ARHGAP24: variants seen among roughly 807,000 people sequenced by gnomAD.
ARHGAP24 encodes the protein Rho GTPase activating protein 24.
A neutral mutation model predicts 76.4 loss-of-function variants in ARHGAP24; 50 were observed. The ratio of observed to expected loss-of-function variants is 0.65; its 90% CI spans 0.52 to 0.83. ARHGAP24 has a LOEUF of 0.83. Ranked by LOEUF, ARHGAP24 falls within the 40% of genes least tolerant of loss-of-function variation. The pLI is 0.00. For synonymous variants in ARHGAP24, 345 were observed against 323.3 expected (o/e 1.07, Z -0.72); for missense variants, 930 against 914.2 (o/e 1.02, Z -0.22).
intron 1 of ARHGAP24, among the ~76,000 whole-genome samples, chr4:85,552,396 A>G (rs373537269): frequency 1.1e-4 from 17 of 152,250 alleles, no homozygotes; most frequent in Middle Eastern, 6.8e-3. Flanking sequence ...AGTGGTTGGT[A>G]TGATTTCAGT....
At chr4:85,809,961 C>A (rs762996819) in intron 3 of ARHGAP24, among the ~76,000 whole-genome samples, 4 of 152,146 alleles carry the variant, frequency 2.6e-5, no homozygotes, top group African/African-American at 4.8e-5. Flanking sequence ...TAATTGAGGG[C>A]AAGTCACTTA....
At chr4:85,924,119 T>G (rs1735887856) in intron 4 of ARHGAP24, among the ~76,000 whole-genome samples, 1 of 152,130 alleles carries the variant, frequency 6.6e-6, no homozygotes, top group Non-Finnish European at 1.5e-5. Context: ...AGTAAGAAAT[T>G]TATGACTAGT....
At chr4:85,691,527 T>C (rs1723661024) in intron 2 of ARHGAP24, among the ~76,000 whole-genome samples, 1 of 152,212 alleles carries the variant, frequency 6.6e-6, no homozygotes, top group African/African-American at 2.4e-5. Context: ...GGTGCCCCAA[T>C]GTTGGGTGCA....
At chr4:85,924,795 T>C (rs1477717200) in intron 4 of ARHGAP24, 1 of 152,182 alleles carries the variant, frequency 6.6e-6, no homozygotes, top group Non-Finnish European at 1.5e-5. Context: ...TTTTACTAGA[T>C]TAATGGCACA....
chr4:85,782,055 AAAAAAAAG>A (rs1410073249), intron 3 of ARHGAP24, among the ~76,000 whole-genome samples: 3 of 90,166 alleles, frequency 3.3e-5, no homozygotes, highest in Non-Finnish European at 8.1e-5. Flanking sequence ...AAAAAAAGAA[AAAAAAAAG>A]AAAAAAAAAA....
chr4:85,610,278 C>T (rs768182689), intron 2 of ARHGAP24, among the ~76,000 whole-genome samples: 4 of 151,424 alleles, frequency 2.6e-5, no homozygotes, highest in Admixed American at 6.6e-5. Context: ...CTTGTCTCTA[C>T]TAAAAATCCA....
intron 1 of ARHGAP24, among the ~76,000 whole-genome samples, chr4:85,491,184 C>T (rs1723343406): frequency 1.3e-5 from 2 of 152,072 alleles, no homozygotes; most frequent in African/African-American, 2.4e-5. Flanking sequence ...TGTAATTCAT[C>T]ACATAAAAAT....
In ARHGAP24 at chr4:86,002,371, C is replaced by G. The variant is rs1413548194; in HGVS notation, c.*1649C>G. 2.0e-5 allele frequency: 3 copies of G among 152,030 alleles called. No individual in the cohort carries two copies. The highest frequency in any genetic ancestry group is 2.9e-5 in the Non-Finnish European group (2 of 68,010). 9.4% of individuals were successfully genotyped at this position (152,030 alleles called of 1,614,324 possible). Reference sequence around the variant, plus strand: ...TTTAATTCCCTTTTCTCTCTCTTTCCAATTATTTAACCAGTTACTTCCACC... The same window carrying G: ...TTTAATTCCCTTTTCTCTCTCTTTCGAATTATTTAACCAGTTACTTCCACC... On this transcript the variant is annotated 3_prime_UTR_variant, in exon 10 of 10. Transcript: ENST00000395184.
intron 3 of ARHGAP24, among the ~76,000 whole-genome samples, chr4:85,879,270 A>AT (rs1208117679): frequency 1.3e-5 from 2 of 152,092 alleles, no homozygotes; most frequent in Non-Finnish European, 2.9e-5. Context: ...CACTCTGGTG[A>AT]TTTTTTCCAT....
intron 1 of ARHGAP24, among the ~76,000 whole-genome samples, chr4:85,482,665 T>C (rs1159275428): frequency 3.3e-5 from 5 of 152,352 alleles, no homozygotes; most frequent in Non-Finnish European, 7.3e-5. Context: ...CAATGTTTGA[T>C]GTGACAATTA....
At chr4:85,915,098 G>A (rs1735305389) in intron 3 of ARHGAP24, among the ~76,000 whole-genome samples, 1 of 152,224 alleles carries the variant, frequency 6.6e-6, no homozygotes, top group African/African-American at 2.4e-5. Context: ...GAAGTAACTA[G>A]ATTCTGAATC....
At chr4:85,795,665 T>C (rs1160487955) in intron 3 of ARHGAP24, among the ~76,000 whole-genome samples, 1 of 152,158 alleles carries the variant, frequency 6.6e-6, no homozygotes, top group African/African-American at 2.4e-5. Flanking sequence ...TATTTTGTAA[T>C]TTTAACATGA....
At chr4:85,505,194 G>A (rs1723995049) in intron 1 of ARHGAP24, among the ~76,000 whole-genome samples, 1 of 152,080 alleles carries the variant, frequency 6.6e-6, no homozygotes, top group Non-Finnish European at 1.5e-5. Context: ...TGACAATTAT[G>A]TGTCTTAGGG....
chr4:85,829,824 T>A (rs1729899151), intron 3 of ARHGAP24, among the ~76,000 whole-genome samples: 1 of 152,222 alleles, frequency 6.6e-6, no homozygotes, highest in South Asian at 2.1e-4. Flanking sequence ...CATGGTCAGC[T>A]TCTATGTTGA....
chr4:85,515,371 C>CTTTT lies in ARHGAP24; in HGVS notation c.-21+39821_-21+39824dup, dbSNP rs34451820. 7.4e-4 allele frequency among the ~76,000 whole-genome samples: 105 copies of CTTTT among 142,680 alleles called. 1 individual carries two copies. The highest frequency in any genetic ancestry group is 1.1e-3 in the South Asian group (5 of 4,568). 93.6% of individuals were successfully genotyped at this position (142,680 alleles called of 152,430 possible). A position where few individuals can be genotyped will look rare whatever the true frequency, so the allele number is the denominator to read the frequency against. On this transcript the variant is annotated intron_variant, in intron 1 of 9. Coordinates refer to ENST00000395184, the MANE Select transcript of ARHGAP24 (RefSeq NM_001025616.3). The stretch of plus-strand genomic sequence containing the variant: ...CCTATATCCACTCTATGCAGGTAAT[C>CTTTT]TTTTTTTTTTTTGGCATGGGGGGAG...
intron 2 of ARHGAP24, among the ~76,000 whole-genome samples, chr4:85,588,479 C>T (rs1727954787): frequency 6.6e-6 from 1 of 152,154 alleles, no homozygotes; most frequent in Non-Finnish European, 1.5e-5. Flanking sequence ...TTTGATAGCA[C>T]TTTTCATGTA....
At chr4:85,705,073 A>C (rs1487622625) in intron 2 of ARHGAP24, among the ~76,000 whole-genome samples, 2 of 152,134 alleles carry the variant, frequency 1.3e-5, no homozygotes, top group African/African-American at 4.8e-5. Flanking sequence ...GACCAAATCA[A>C]ATGTAAGACA....
intron 2 of ARHGAP24, among the ~76,000 whole-genome samples, chr4:85,643,197 T>G (rs1438312647): frequency 7.4e-6 from 1 of 135,362 alleles, no homozygotes; most frequent in Non-Finnish European, 1.6e-5. Flanking sequence ...CCCCTTAACC[T>G]GGTTCTACTT....
At chr4:85,882,720 A>G (rs1266136219) in intron 3 of ARHGAP24, among the ~76,000 whole-genome samples, 4 of 152,216 alleles carry the variant, frequency 2.6e-5, no homozygotes, top group Non-Finnish European at 5.9e-5. Flanking sequence ...AGAGGTTCTC[A>G]TAGGTGGCCA....
Sources: allele counts gnomAD v4.1 joint callset (sites outside exome capture counted in the v4.1 genomes callset), GRCh38; gene constraint gnomAD v4.1.1; transcripts MANE v1.5; gene names NCBI Gene and HGNC (gene_info 2026-07-23, HGNC 2026-07-21).